PDPK1: variants seen among roughly 807,000 people sequenced by gnomAD.
PDPK1 encodes 3-phosphoinositide-dependent protein kinase 1.
PDPK1 carries 7 observed loss-of-function variants against 39.8 expected under a neutral mutation model. That is an observed-to-expected ratio of 0.18 (90% CI 0.10 to 0.33). The LOEUF (loss-of-function observed/expected upper bound fraction) is 0.33. PDPK1 is among the 10% of genes least tolerant of loss of function. The probability of loss-of-function intolerance (pLI) is 1.00; values close to 1 mark genes in which losing one functional copy is unlikely to be tolerated. For missense variants in PDPK1, 182 were observed against 384.7 expected (o/e 0.47, Z 4.41); for synonymous variants, 118 against 159.1 (o/e 0.74, Z 1.95).
rs2067164440 is a variant in PDPK1, at chr16:2,599,231, G to C, written c.*1464G>C. On this transcript the variant is annotated 3_prime_UTR_variant, in exon 14 of 14. Transcript: ENST00000342085. ...GGCAGCCCTCACTCCCTTTGGGGGA[G>C]AGGCAGACATTGCTGCCCACAGACC... 4.3e-6 allele frequency: 1 copy of C among 232,940 alleles called. No homozygotes were observed. Among genetic ancestry groups the C allele is most frequent in the Non-Finnish European group, 8.5e-6 (1 of 118,124 alleles). The allele number at this position is 232,940 out of a possible 1,614,324, so 14.4% of individuals were successfully genotyped here. A position where few individuals can be genotyped will look rare whatever the true frequency, so the allele number is the denominator to read the frequency against.
intron 12 of PDPK1, among the ~76,000 whole-genome samples, chr16:2,596,054 C>T (rs972260202): frequency 1.3e-5 from 2 of 152,210 alleles, no homozygotes; most frequent in Admixed American, 6.5e-5. Flanking sequence ...TAGGGCAGTG[C>T]AGAAGCAACC....
chr16:2,597,246 A>G lies in PDPK1; in HGVS notation c.1525A>G (p.Lys509Glu), dbSNP rs2067121952. ...GTCACAAGAACTTCGACCAGAGGCC[A>G]AGAATTTTAAAACTTTCTTTGTCCA... ...PWSQELRPEAKNFKTFFVHTP... is the reference protein window; with the variant it reads ...PWSQELRPEAENFKTFFVHTP... Residue 509 changes from lysine (K) to glutamate (E), a missense_variant, in exon 13 of 14, where the codon AAG becomes GAG. Lys to Glu is a moderately conservative substitution (Grantham distance 56). Coordinates refer to ENST00000342085, the MANE Select transcript of PDPK1 (RefSeq NM_002613.5). This position sits in a 1 kb window ranked among gnomAD's most constrained non-coding sequence, Gnocchi z 6.3. 1 of 1,595,552 alleles carries G rather than the reference A, an allele frequency of 6.3e-7. No homozygotes were observed. Among genetic ancestry groups the G allele is most frequent in the Non-Finnish European group, 8.6e-7 (1 of 1,165,186 alleles).
At chr16:2,592,720 GGAGC>G in intron 11 of PDPK1, 2 of 447,964 alleles carry the variant, frequency 4.5e-6, no homozygotes, top group Admixed American at 4.9e-5. Flanking sequence ...CTCACAGCAA[GGAGC>G]TGTTTCTGTC....
chr16:2,599,844 C>G lies in PDPK1; in HGVS notation c.*2077C>G, dbSNP rs955102758. On this transcript the variant is annotated 3_prime_UTR_variant, in exon 14 of 14. Coordinates refer to ENST00000342085, the MANE Select transcript of PDPK1 (RefSeq NM_002613.5). ...GGGACGTGGCTTTAATTGGAGCACT[C>G]GGCTGGGCTGCTTGGGGAGACTCTT... 1 of 233,942 alleles carries G rather than the reference C, an allele frequency of 4.3e-6. No homozygotes were observed. Among genetic ancestry groups the G allele is most frequent in the African/African-American group, 2.2e-5 (1 of 45,388 alleles). 14.5% of individuals were successfully genotyped at this position (233,942 alleles called of 1,614,324 possible). A position where few individuals can be genotyped will look rare whatever the true frequency, so the allele number is the denominator to read the frequency against.
chr16:2,545,336 C>CTT (rs59225717), intron 1 of PDPK1, among the ~76,000 whole-genome samples: 1 of 146,216 alleles, frequency 6.8e-6, no homozygotes, highest in Non-Finnish European at 1.5e-5. Flanking sequence ...CTTTCTCTCT[C>CTT]TTTTTTTTTT....
At chr16:2,585,502 G>T (rs937933954) in intron 10 of PDPK1, among the ~76,000 whole-genome samples, 4 of 152,234 alleles carry the variant, frequency 2.6e-5, no homozygotes, top group Admixed American at 6.5e-5. Flanking sequence ...AGGGAGGTTG[G>T]CCATGGTACC....
intron 7 of PDPK1, chr16:2,579,939 GA>G (rs1390383828): frequency 7.3e-6 from 1 of 136,964 alleles, no homozygotes; most frequent in Non-Finnish European, 1.6e-5. Context: ...TCTCAAAAAA[GA>G]AAAAGAAAAA....
rs2067128156 is a variant in PDPK1 at position 2,597,524 on chromosome 16, T to G, written c.1555-127T>G. On this transcript the variant is annotated intron_variant, in intron 13 of 13. Coordinates refer to ENST00000342085, the MANE Select transcript of PDPK1 (RefSeq NM_002613.5). The surrounding 1 kb of genome is among the most constrained non-coding windows in gnomAD (Gnocchi z 6.3). ...AGCCTGTGTAGTTGCTTACTGCTTG[T>G]GTGAATAACCGTCACACCCACGTGC... is the stretch of plus-strand genomic sequence containing the variant. 1.3e-6 allele frequency: 1 copy of G among 762,014 alleles called. No homozygotes were observed. Among genetic ancestry groups the G allele is most frequent in the Non-Finnish European group, 2.3e-6 (1 of 427,438 alleles). 47.2% of individuals were successfully genotyped at this position (762,014 alleles called of 1,614,324 possible). A position where few individuals can be genotyped will look rare whatever the true frequency, so the allele number is the denominator to read the frequency against.
chr16:2,573,849 C>T (rs1405081723), intron 6 of PDPK1, among the ~76,000 whole-genome samples: 11 of 51,062 alleles, frequency 2.2e-4, no homozygotes, highest in East Asian at 5.5e-4. Context: ...AGCTGGAGTG[C>T]GGTGGCGCGA....
chr16:2,538,453 C>G (rs1276475865), intron 1 of PDPK1: 6 of 444,270 alleles, frequency 1.4e-5, no homozygotes, highest in Non-Finnish European at 2.7e-5. Flanking sequence ...TTCGGCTTGG[C>G]GCAGCCTGGA....
At chr16:2,542,565 C>T (rs2066264267) in intron 1 of PDPK1, among the ~76,000 whole-genome samples, 1 of 152,148 alleles carries the variant, frequency 6.6e-6, no homozygotes, top group South Asian at 2.1e-4. Context: ...ACATTAGCAG[C>T]TCACTGTTGA....
chr16:2,594,084 T>G (rs2142005072), intron 11 of PDPK1: 1 of 152,394 alleles, frequency 6.6e-6, no homozygotes, highest in Non-Finnish European at 1.5e-5. Flanking sequence ...TGCCCAGGTC[T>G]GGGTGGGTCA....
Position 2,601,320 on chromosome 16 carries a change from T to G in PDPK1, c.*3553T>G. On this transcript the variant is annotated 3_prime_UTR_variant, in exon 14 of 14. Transcript: ENST00000342085. The stretch of plus-strand genomic sequence containing the variant: ...ATGTCTGAATAAGACCGCTCTTTAT[T>G]TAAATGCTAAGAGGATGTCACTACT... 8.5e-6 allele frequency: 2 copies of G among 234,630 alleles called. No individual in the cohort carries two copies. Among genetic ancestry groups the G allele is most frequent in the Non-Finnish European group, 1.7e-5 (2 of 117,918 alleles). 14.5% of individuals were successfully genotyped at this position (234,630 alleles called of 1,614,324 possible).
intron 10 of PDPK1, among the ~76,000 whole-genome samples, chr16:2,585,479 G>A (rs1335498269): frequency 1.3e-5 from 2 of 152,218 alleles, no homozygotes; most frequent in Non-Finnish European, 2.9e-5. Context: ...GGCACTGGGC[G>A]TCCCCTTCAG....
At chr16:2,540,656 A>G (rs371175422) in intron 1 of PDPK1, among the ~76,000 whole-genome samples, 2 of 152,036 alleles carry the variant, frequency 1.3e-5, no homozygotes, top group Non-Finnish European at 2.9e-5. Context: ...AGAACTGTAC[A>G]TATTTCTTTG....
At chr16:2,592,453 G>C (rs1410020024) in intron 11 of PDPK1, 1 of 296,410 alleles carries the variant, frequency 3.4e-6, no homozygotes, top group African/African-American at 2.3e-5. Flanking sequence ...TTCTGCAGGA[G>C]ACAGTAGAAA....
At chr16:2,538,248 C>T in intron 1 of PDPK1, 112 bp downstream of exon 1, 4 of 454,946 alleles carry the variant, frequency 8.8e-6, no homozygotes, top group Non-Finnish European at 8.9e-6. Context: ...CGGGTGCCTC[C>T]TTACCTGCAG....
At chr16:2,539,937 T>G (rs1210410883) in intron 1 of PDPK1, among the ~76,000 whole-genome samples, 1 of 152,240 alleles carries the variant, frequency 6.6e-6, no homozygotes, top group Non-Finnish European at 1.5e-5. Context: ...ATGGCTTTTT[T>G]GCACAAAAAC....
chr16:2,539,605 A>G (rs2066207367), intron 1 of PDPK1: 3 of 152,170 alleles, frequency 2.0e-5, no homozygotes, highest in South Asian at 4.1e-4. Flanking sequence ...GCTGAGAAAA[A>G]TGTTGAAGGG....
Sources: allele counts gnomAD v4.1 joint callset (sites outside exome capture counted in the v4.1 genomes callset), GRCh38; gene constraint gnomAD v4.1.1; non-coding constraint Gnocchi (gnomAD v3.1); transcripts MANE v1.5; gene names NCBI Gene and HGNC (gene_info 2026-07-23, HGNC 2026-07-21).